Variants in ZNF696 observed in about 807,000 individuals in gnomAD.
The protein encoded by ZNF696 is zinc finger protein 696.
A neutral mutation model predicts 12.3 loss-of-function variants in ZNF696; 10 were observed. The observed-to-expected ratio is 0.81, with a 90% CI of 0.50 to 1.38. The LOEUF (loss-of-function observed/expected upper bound fraction) is 1.38. Among genes scored for constraint, ZNF696 ranks in the 40% most tolerant of loss-of-function variants. The pLI, the probability that ZNF696 is intolerant of heterozygous loss-of-function variation, is 0.00. For missense variants in ZNF696, 675 were observed against 554.7 expected (o/e 1.22, Z -2.18); for synonymous variants, 304 against 243.9 (o/e 1.25, Z -2.29).
chr8:143,298,687 C>T lies in ZNF696; in HGVS notation c.*1887C>T, dbSNP rs57725353. On this transcript the variant is annotated 3_prime_UTR_variant, in exon 3 of 3. Coordinates refer to ENST00000330143, the MANE Select transcript of ZNF696 (RefSeq NM_030895.3). ...TTATGTGTGAGGTGTTCAAAGAAGT[C>T]GCGCAGTCAGTGATGAGAAAGCTGT... Among the ~76,000 whole-genome samples, 6,394 of 152,280 alleles carry T rather than the reference C, an allele frequency of 0.042. 459 individuals are homozygous for T. The highest frequency in any genetic ancestry group is 0.15 in the African/African-American group (6,021 of 41,508).
chr8:143,294,514 G>A (rs1205603200), intron 2 of ZNF696, among the ~76,000 whole-genome samples: 1 of 151,974 alleles, frequency 6.6e-6, no homozygotes, highest in African/African-American at 2.4e-5. Flanking sequence ...TCAAGTAGCT[G>A]GGACTACAGG....
chr8:143,298,396 G>A lies in ZNF696; in HGVS notation c.*1596G>A, dbSNP rs1254037740. ...TAATTAAGCTCCTGACCCCTGGGCC[G>A]GTGGTGAGGTGGGAAGATGAGCCTG... On this transcript the variant is annotated 3_prime_UTR_variant, in exon 3 of 3. Transcript: ENST00000330143. Among the ~76,000 whole-genome samples, 1 of 152,130 alleles carries A rather than the reference G, an allele frequency of 6.6e-6. No homozygotes were observed.
intron 2 of ZNF696, chr8:143,295,342 T>G: frequency 1.5e-5 from 7 of 465,378 alleles, no homozygotes; most frequent in Non-Finnish European, 2.1e-5. Flanking sequence ...TTAGCCTCGT[T>G]TCTGTTTGTA....
chr8:143,291,440 C>T lies in ZNF696; in HGVS notation c.-358C>T, dbSNP rs981786045. 6 of 985,544 alleles carry T rather than the reference C, an allele frequency of 6.1e-6. No homozygotes were observed. Among genetic ancestry groups the T allele is most frequent in the Non-Finnish European group, 7.2e-6 (6 of 830,064 alleles). The allele number at this position is 985,544 out of a possible 1,614,324, so 61.0% of individuals were successfully genotyped here. A position where few individuals can be genotyped will look rare whatever the true frequency, so the allele number is the denominator to read the frequency against. ...CCGTAGCGGGTGCAGTCCAGCTGCT[C>T]TGGACGCTGAGGCCCCGGCTTCTCT... On this transcript the variant is annotated 5_prime_UTR_variant, in exon 1 of 3. Coordinates refer to ENST00000330143, the MANE Select transcript of ZNF696 (RefSeq NM_030895.3).
In ZNF696 at chr8:143,296,016, C is replaced by A; in HGVS notation, c.341C>A (p.Ala114Glu). ...GTCCCTCCGAACGCAGGCCCCGGCG[C>A]AGAGGGCGGGGGCAGCTGGAAGGGG... Reference protein sequence around the residue: ...SDVPPNAGPGAEGGGSWKGRP... With the variant: ...SDVPPNAGPGEEGGGSWKGRP... The change falls in exon 3 of 3, where the codon GCA becomes GAA. Residue 114 changes from alanine (A) to glutamate (E), a missense_variant. Ala to Glu is a moderately radical substitution (Grantham distance 107, BLOSUM62 -1). Transcript: ENST00000330143. 6.3e-7 allele frequency: 1 copy of A among 1,595,892 alleles called. No homozygotes were observed. The highest frequency in any genetic ancestry group is 8.5e-7 in the Non-Finnish European group (1 of 1,170,914).
rs1674894414 is a variant in ZNF696, at chr8:143,295,860, G to T, written c.185G>T (p.Gly62Val). The stretch of plus-strand genomic sequence containing the variant: ...GCTCCCGAGGGAGAGGGCCACAGAG[G>T]GGGGCCTCCCCGGGCGTTGGGGTCT... The part of the protein sequence containing the change: ...AGAPEGEGHR[G>V]GPPRALGSLG... Residue 62 changes from glycine to valine, a missense_variant, in exon 3 of 3, where the codon GGG (glycine) becomes GTG (valine). Coordinates refer to ENST00000330143, the MANE Select transcript of ZNF696 (RefSeq NM_030895.3). 6.3e-7 allele frequency: 1 copy of T among 1,576,802 alleles called. No individual in the cohort carries two copies. Among genetic ancestry groups the T allele is most frequent in the Non-Finnish European group, 8.6e-7 (1 of 1,160,422 alleles).
Position 143,295,926 on chromosome 8 carries a change from G to C in ZNF696, c.251G>C (p.Gly84Ala), listed in dbSNP as rs1367797805. ...CENQEARERP[G>A]GSPRGPVTSE... ...AACCAGGAAGCCAGAGAGAGGCCCGGAGGTTCCCCTCGAGGCCCGGTCACT... is the reference window on the plus strand; with the variant it reads ...AACCAGGAAGCCAGAGAGAGGCCCGCAGGTTCCCCTCGAGGCCCGGTCACT... Residue 84 changes from glycine to alanine, a missense_variant, in exon 3 of 3, where the codon GGA (glycine) becomes GCA (alanine). Gly to Ala is a moderately conservative substitution (Grantham distance 60, BLOSUM62 0). Transcript: ENST00000330143. The C allele has an allele frequency of 6.4e-7, 1 of 1,562,032 alleles. No homozygotes were observed. Among genetic ancestry groups the C allele is most frequent in the African/African-American group, 1.4e-5 (1 of 73,524 alleles).
At chr8:143,295,092 A>G (rs954301201) in intron 2 of ZNF696, among the ~76,000 whole-genome samples, 3 of 151,562 alleles carry the variant, frequency 2.0e-5, no homozygotes, top group Non-Finnish European at 4.4e-5. Flanking sequence ...ACAAGAAAGG[A>G]AGGAAGGACA....
At chr8:143,295,091 G>A (rs201249589) in intron 2 of ZNF696, among the ~76,000 whole-genome samples, 3 of 102,376 alleles carry the variant, frequency 2.9e-5, no homozygotes, top group African/African-American at 6.4e-5. Context: ...CACAAGAAAG[G>A]AAGGAAGGAC....
rs1223494927 is a variant in ZNF696 at position 143,298,317 on chromosome 8, G to A, written c.*1517G>A. ...TGTTAAAATGCATGAGCTTAGGGTTGTGCAGCCTGTAGGGGCAGGGGTGGT... is the reference window on the plus strand; with the variant it reads ...TGTTAAAATGCATGAGCTTAGGGTTATGCAGCCTGTAGGGGCAGGGGTGGT... On this transcript the variant is annotated 3_prime_UTR_variant, in exon 3 of 3. Coordinates refer to ENST00000330143, the MANE Select transcript of ZNF696 (RefSeq NM_030895.3). Among the ~76,000 whole-genome samples the A allele has an allele frequency of 1.3e-5, 2 of 152,170 alleles. No individual in the cohort carries two copies. The highest frequency in any genetic ancestry group is 4.8e-5 in the African/African-American group (2 of 41,414).
In ZNF696 at chr8:143,298,947, G is replaced by C. The variant is rs948268521; in HGVS notation, c.*2147G>C. On this transcript the variant is annotated 3_prime_UTR_variant, in exon 3 of 3. Transcript: ENST00000330143. Reference sequence around the variant, plus strand: ...AGGCTGAGGCAGTGGATCACCTGAGGTCAGGAGTTTGAGACCACCCTGGCC... The same window carrying C: ...AGGCTGAGGCAGTGGATCACCTGAGCTCAGGAGTTTGAGACCACCCTGGCC... Among the ~76,000 whole-genome samples the C allele has an allele frequency of 2.0e-5, 3 of 152,076 alleles. No individual in the cohort carries two copies. The South Asian group carries it at 6.2e-4, about 31-fold the overall frequency.
In ZNF696 at chr8:143,298,856, C is replaced by G. The variant is rs931626530; in HGVS notation, c.*2056C>G. Among the ~76,000 whole-genome samples the G allele has an allele frequency of 6.6e-6, 1 of 152,120 alleles. No homozygotes were observed. The highest frequency in any genetic ancestry group is 2.4e-5 in the African/African-American group (1 of 41,400). On this transcript the variant is annotated 3_prime_UTR_variant, in exon 3 of 3. Transcript: ENST00000330143. ...GGAGGATCACTTGAGCCTAGGAGTT[C>G]AAGACCAGCCTAGGCAACATAGGGC...
chr8:143,296,203 C>T lies in ZNF696; in HGVS notation c.528C>T (p.Ser176=). 1 of 1,594,534 alleles carries T rather than the reference C, an allele frequency of 6.3e-7. No homozygotes were observed. Among genetic ancestry groups the T allele is most frequent in the East Asian group, 2.2e-5 (1 of 44,626 alleles). Reference sequence around the variant, plus strand: ...TGGTCCGGCACCAGCGGGCGCACAGCGGGGAGAGGCCCTACGCGTGCGCCG... The same window carrying T: ...TGGTCCGGCACCAGCGGGCGCACAGTGGGGAGAGGCCCTACGCGTGCGCCG... ...SHVVRHQRAH[S]GERPYACAEC... Residue 176 remains serine (S), a synonymous_variant, in exon 3 of 3, where the codon AGC becomes AGT. Coordinates refer to ENST00000330143, the MANE Select transcript of ZNF696 (RefSeq NM_030895.3).
Position 143,292,987 on chromosome 8 carries a change from C to CT in ZNF696, c.-14dup. The CT allele has an allele frequency of 6.2e-7, 1 of 1,613,616 alleles. No homozygotes were observed. The highest frequency in any genetic ancestry group is 8.5e-7 in the Non-Finnish European group (1 of 1,179,878). ...ACCTAAGCAGAAATTGTTCCAACTG[C>CT]TGGTGTTCTGCAAGATGGAGCCAGG... On this transcript the variant is annotated 5_prime_UTR_variant, in exon 2 of 3. Coordinates refer to ENST00000330143, the MANE Select transcript of ZNF696 (RefSeq NM_030895.3).
Position 143,296,125 on chromosome 8 carries a change from G to A in ZNF696, c.450G>A (p.Glu150=). 6.2e-7 allele frequency: 1 copy of A among 1,609,834 alleles called. No homozygotes were observed. The highest frequency in any genetic ancestry group is 1.1e-5 in the South Asian group (1 of 90,782). ...AAKHRSIHSG[E]KPYECSDCGK... ...AGCACCGGAGCATCCACTCGGGGGA[G>A]AAACCGTACGAGTGCAGCGACTGCG... The change falls in exon 3 of 3, where the codon GAG becomes GAA. Residue 150 remains glutamate (E), a synonymous_variant. Coordinates refer to ENST00000330143, the MANE Select transcript of ZNF696 (RefSeq NM_030895.3).
chr8:143,295,602 G>T (rs1815694573), intron 2 of ZNF696, 138 bp from the exon 3 acceptor site: 6 of 1,013,260 alleles, frequency 5.9e-6, no homozygotes, highest in Non-Finnish European at 5.7e-6. Context: ...GGCGGGAACT[G>T]AATGGGCAAA....
At chr8:143,293,878 G>A (rs555944703) in intron 2 of ZNF696, among the ~76,000 whole-genome samples, 89 of 152,356 alleles carry the variant, frequency 5.8e-4, no homozygotes, top group African/African-American at 2.0e-3. Flanking sequence ...AGGGCAGAGA[G>A]AGGTGGGGAC....
At chr8:143,295,237 G>A (rs1302096198) in intron 2 of ZNF696, 3 of 422,106 alleles carry the variant, frequency 7.1e-6, no homozygotes, top group Non-Finnish European at 1.4e-5. Context: ...CTGTCCCGCA[G>A]AGTAAGGCAG....
rs1221339988 is a variant in ZNF696 at position 143,291,587 on chromosome 8, G to A, written c.-211G>A. ...GCAGGCCCCAGCCGCTCTCGGGCGC[G>A]GCGTGGGGGAGGCGGCCCTGCAGGT... is the stretch of plus-strand genomic sequence containing the variant. On this transcript the variant is annotated 5_prime_UTR_variant, in exon 1 of 3. Transcript: ENST00000330143. 1 of 985,336 alleles carries A rather than the reference G, an allele frequency of 1.0e-6. No homozygotes were observed. The highest frequency in any genetic ancestry group is 1.2e-6 in the Non-Finnish European group (1 of 829,936). 61.0% of individuals were successfully genotyped at this position (985,336 alleles called of 1,614,324 possible).
Sources: gnomAD v4.1 joint callset for allele counts (sites outside exome capture counted in the v4.1 genomes callset) on GRCh38, gnomAD v4.1.1 for gene constraint, MANE v1.5 for transcripts, NCBI Gene and HGNC (gene_info 2026-07-23, HGNC 2026-07-21) for gene names.